Variants in CREBRF observed in about 807,000 individuals in gnomAD.
CREBRF encodes CREB3 regulatory factor.
Under a neutral mutation model 66.1 loss-of-function variants are expected in CREBRF, and 5 were observed. The observed-to-expected ratio is 0.08, with a 90% confidence interval of 0.04 to 0.16. The LOEUF is 0.16. Ranked by LOEUF, CREBRF falls within the 10% of genes least tolerant of loss-of-function variation. The probability of loss-of-function intolerance (pLI) is 1.00; values close to 1 mark genes in which losing one functional copy is unlikely to be tolerated. For missense variants in CREBRF, 531 were observed against 744.9 expected (o/e 0.71, Z 3.34); for synonymous variants, 229 against 264.4 (o/e 0.87, Z 1.30).
intron 4 of CREBRF, among the ~76,000 whole-genome samples, chr5:173,100,259 A>G (rs1758595400): frequency 6.8e-6 from 1 of 147,950 alleles, no homozygotes; most frequent in Non-Finnish European, 1.5e-5. Flanking sequence ...TAGTAGTGTG[A>G]GTCACCATGC....
At chr5:173,068,648 TAA>T (rs1467768173) in intron 1 of CREBRF, among the ~76,000 whole-genome samples, 43 of 144,102 alleles carry the variant, frequency 3.0e-4, no homozygotes, top group Middle Eastern at 4.0e-3. Flanking sequence ...TTTTGCTGAT[TAA>T]ACCAGCATAA....
At chr5:173,107,975 G>A (rs1005771147) in intron 4 of CREBRF, among the ~76,000 whole-genome samples, 1 of 151,856 alleles carries the variant, frequency 6.6e-6, no homozygotes, top group African/African-American at 2.4e-5. Flanking sequence ...GGGATTGCAG[G>A]CGTGCACCAC....
intron 8 of CREBRF, among the ~76,000 whole-genome samples, chr5:173,132,023 C>G (rs1222934219): frequency 6.6e-6 from 1 of 151,818 alleles, no homozygotes; most frequent in African/African-American, 2.4e-5. Flanking sequence ...AGCCACCATG[C>G]CCGGCCAGTA....
intron 1 of CREBRF, among the ~76,000 whole-genome samples, chr5:173,072,545 G>T (rs961863542): frequency 9.9e-5 from 15 of 151,864 alleles, no homozygotes; most frequent in African/African-American, 3.6e-4. Context: ...TAAAGTGCTG[G>T]GATTACAGGC....
rs1274599849 is a variant in CREBRF at position 173,131,417 on chromosome 5, G to A, written c.1805-2213G>A. 5.9e-5 allele frequency among the ~76,000 whole-genome samples: 9 copies of A among 152,008 alleles called. No individual in the cohort carries two copies. The East Asian group carries it at 9.6e-4, about 16-fold the overall frequency. The stretch of plus-strand genomic sequence containing the variant: ...ATTTTTTTGTGTGTGTGATCCAGTC[G>A]AGGATCATGCATTGCATTTAGTCAT... On this transcript the variant is annotated intron_variant, in intron 8 of 8. Transcript: ENST00000296953.
intron 3 of CREBRF, among the ~76,000 whole-genome samples, chr5:173,087,029 C>T (rs1561801967): frequency 6.6e-6 from 1 of 151,490 alleles, no homozygotes; most frequent in Non-Finnish European, 1.5e-5. Context: ...TCACTGCAAC[C>T]TCCATCTCCT....
At chr5:173,096,078 C>G (rs1262819337) in intron 4 of CREBRF, among the ~76,000 whole-genome samples, 2 of 152,126 alleles carry the variant, frequency 1.3e-5, no homozygotes, top group African/African-American at 2.4e-5. Flanking sequence ...ATGCCATTCT[C>G]CTGCCTCAGC....
At chr5:173,120,683 CTTTTTTTTTT>C (rs70984942) in intron 7 of CREBRF, among the ~76,000 whole-genome samples, 15 of 51,282 alleles carry the variant, frequency 2.9e-4, no homozygotes, top group African/African-American at 4.0e-4. Flanking sequence ...GCCTGAGCCT[CTTTTTTTTTT>C]TTTTTTTTTT....
At chr5:173,063,482 C>T (rs1442915341) in intron 1 of CREBRF, among the ~76,000 whole-genome samples, 2 of 151,980 alleles carry the variant, frequency 1.3e-5, no homozygotes, top group African/African-American at 4.8e-5. Flanking sequence ...ATTTTCCTGT[C>T]TCAGCCTCCT....
At chr5:173,077,092 C>T (rs1008046109) in intron 1 of CREBRF, among the ~76,000 whole-genome samples, 4 of 149,872 alleles carry the variant, frequency 2.7e-5, no homozygotes, top group African/African-American at 9.8e-5. Context: ...TACAGGCGCC[C>T]GCCACCATGT....
chr5:173,091,839 C>A, intron 4 of CREBRF: 1 of 949,018 alleles, frequency 1.1e-6, no homozygotes, highest in South Asian at 4.8e-5. Flanking sequence ...AATCCCAGCA[C>A]TTTGGGAGGC....
At chr5:173,056,521 G>C (rs554349163) in intron 1 of CREBRF, 42 bp downstream of exon 1, 2 of 398,286 alleles carry the variant, frequency 5.0e-6, no homozygotes, top group African/African-American at 4.1e-5. Flanking sequence ...CAGGGGCCTG[G>C]GCTGGGGGAA....
chr5:173,067,116 G>A (rs1282343086), intron 1 of CREBRF, among the ~76,000 whole-genome samples: 1 of 152,104 alleles, frequency 6.6e-6, no homozygotes, highest in Non-Finnish European at 1.5e-5. Flanking sequence ...CTCAGCCTGA[G>A]CCACCGTGCT....
chr5:173,080,548 C>T, intron 1 of CREBRF, 37 bp from the exon 2 acceptor site: 26 of 521,370 alleles, frequency 5.0e-5, no homozygotes, highest in South Asian at 1.6e-4. Flanking sequence ...CTTGTTTTTC[C>T]TGGAATTCAG....
chr5:173,061,028 C>G (rs1354589083), intron 1 of CREBRF, among the ~76,000 whole-genome samples: 1 of 152,120 alleles, frequency 6.6e-6, no homozygotes, highest in Non-Finnish European at 1.5e-5. Context: ...AGTGCAGTGG[C>G]ACGATCTCGG....
chr5:173,097,441 C>T lies in CREBRF; in HGVS notation c.1222+6040C>T, dbSNP rs540164935. Among the ~76,000 whole-genome samples the T allele has an allele frequency of 2.5e-4, 38 of 152,188 alleles. 1 individual carries two copies. The South Asian group carries it at 6.6e-3, about 27-fold the overall frequency. ...TGTATTTTTAGTAGAGATGAAGTTT[C>T]GTCATGTTGGCCAGGCTAGTCTGGA... is the stretch of plus-strand genomic sequence containing the variant. On this transcript the variant is annotated intron_variant, in intron 4 of 8. Coordinates refer to ENST00000296953, the MANE Select transcript of CREBRF (RefSeq NM_153607.3).
At chr5:173,092,606 C>A (rs1268349856) in intron 4 of CREBRF, among the ~76,000 whole-genome samples, 3 of 151,826 alleles carry the variant, frequency 2.0e-5, no homozygotes, top group Non-Finnish European at 4.4e-5. Context: ...TAAAAAAAAA[C>A]TATCAAAGAG....
At chr5:173,058,391 G>A (rs1311139118) in intron 1 of CREBRF, among the ~76,000 whole-genome samples, 2 of 152,088 alleles carry the variant, frequency 1.3e-5, no homozygotes, top group Non-Finnish European at 2.9e-5. Context: ...GATCATGCAG[G>A]GGCTAATCAG....
In CREBRF at chr5:173,059,256, C is replaced by CTTTTTT. The variant is rs780723745; in HGVS notation, c.-192+2780_-192+2785dup. On this transcript the variant is annotated intron_variant, in intron 1 of 8. Coordinates refer to ENST00000296953, the MANE Select transcript of CREBRF (RefSeq NM_153607.3). ...AGCTTATTTATCAGTTCTTCTTTTT[C>CTTTTTT]TTTTTTTTCTTTTTTTTTTTTTTTT... 3.7e-3 allele frequency among the ~76,000 whole-genome samples: 440 copies of CTTTTTT among 117,520 alleles called. 21 individuals are homozygous for CTTTTTT. The highest frequency in any genetic ancestry group is 4.3e-3 in the Non-Finnish European group (242 of 56,906). The allele number at this position is 117,520 out of a possible 152,430, so 77.1% of individuals were successfully genotyped here.
Sources: gnomAD v4.1 joint callset for allele counts (sites outside exome capture counted in the v4.1 genomes callset) on GRCh38, gnomAD v4.1.1 for gene constraint, MANE v1.5 for transcripts, NCBI Gene and HGNC (gene_info 2026-07-23, HGNC 2026-07-21) for gene names.